DMD: variants seen among roughly 807,000 people sequenced by gnomAD.
The protein encoded by DMD is mutant dystrophin.
Under a neutral mutation model 330.1 loss-of-function variants are expected in DMD, and 63 were observed. The ratio of observed to expected loss-of-function variants is 0.19; its 90% CI spans 0.16 to 0.24. The LOEUF (loss-of-function observed/expected upper bound fraction) is 0.24. Among genes scored for constraint, DMD ranks in the 10% least tolerant of loss-of-function variants. The pLI is 1.00. For missense variants in DMD, 3,344 were observed against 2,684.1 expected, an observed-to-expected ratio of 1.25 and a Z score of -5.43; for synonymous variants, 1,223 against 959.8, an observed-to-expected ratio of 1.27 and a Z score of -5.07.
At chrX:31,901,767 C>T (rs1250212333) in intron 47 of DMD, among the ~76,000 whole-genome samples, 1 of 111,226 alleles carries the variant, frequency 9.0e-6, no homozygotes, top group Non-Finnish European at 1.9e-5. Context: ...TAAATGTAAA[C>T]ATTTTTATTT....
At chrX:31,517,146 T>C (rs2072293528) in intron 55 of DMD, among the ~76,000 whole-genome samples, 1 of 111,924 alleles carries the variant, frequency 8.9e-6, no homozygotes, top group Non-Finnish European at 1.9e-5. Context: ...ATCACAAAAA[T>C]GTGCATTAAG....
intron 44 of DMD, among the ~76,000 whole-genome samples, chrX:32,147,054 T>C (rs149505980): frequency 0.011 from 1,255 of 111,997 alleles, 18 homozygotes; most frequent in African/African-American, 0.038. Flanking sequence ...ATAAACTCTA[T>C]GATGTAAGTC....
intron 1 of DMD, among the ~76,000 whole-genome samples, chrX:33,130,870 G>A (rs886914027): frequency 7.2e-5 from 8 of 111,610 alleles, no homozygotes; most frequent in African/African-American, 2.6e-4. Flanking sequence ...TATTTAATGA[G>A]GCTTTTCACT....
rs2045274112 is a variant in DMD, at chrX:32,511,249, C to G, written c.2292+6759G>C. ...TGTGAAAGTCATTAATTTGGCCGGG[C>G]GCAGGGGCTCACGCCTGTAATCCCA... On this transcript the variant is annotated intron_variant, in intron 18 of 78. Transcript: ENST00000357033. Among the ~76,000 whole-genome samples the G allele has an allele frequency of 7.2e-5, 8 of 110,419 alleles. No individual in the cohort carries two copies. The Admixed American group carries it at 7.7e-4, about 11-fold the overall frequency.
intron 34 of DMD, 66 bp downstream of exon 34, chrX:32,380,444 C>T: frequency 2.0e-6 from 2 of 1,005,611 alleles, no homozygotes; most frequent in Non-Finnish European, 2.8e-6. Flanking sequence ...GTTAATACTT[C>T]CTTACAAAAT....
At chrX:31,124,102 T>G (rs1278367313) in intron 78 of DMD, among the ~76,000 whole-genome samples, 1 of 112,082 alleles carries the variant, frequency 8.9e-6, no homozygotes, top group Non-Finnish European at 1.9e-5. Flanking sequence ...TTCATTATTC[T>G]TAATGTGCCA....
chrX:32,650,698 T>C (rs1273737718), intron 9 of DMD, among the ~76,000 whole-genome samples: 1 of 112,052 alleles, frequency 8.9e-6, no homozygotes, highest in Non-Finnish European at 1.9e-5. Context: ...CACTATTAAA[T>C]AGGTAATTTT....
chrX:31,933,526 C>T (rs2094885743), intron 45 of DMD, among the ~76,000 whole-genome samples: 1 of 111,225 alleles, frequency 9.0e-6, no homozygotes, highest in African/African-American at 3.3e-5. Context: ...GTTTTGTTGT[C>T]TTTTGGGAAC....
At chrX:31,474,861 T>C (rs1391770803) in intron 59 of DMD, among the ~76,000 whole-genome samples, 3 of 111,020 alleles carry the variant, frequency 2.7e-5, no homozygotes, top group Non-Finnish European at 3.8e-5. Context: ...AGTACACTTC[T>C]ACTTTTTTTC....
chrX:32,489,541 C>T (rs940024527), intron 20 of DMD, among the ~76,000 whole-genome samples: 3 of 111,296 alleles, frequency 2.7e-5, no homozygotes, highest in Non-Finnish European at 5.7e-5. Context: ...TGAAGCTGAA[C>T]CCTACCAAAC....
chrX:33,206,309 A>C (rs2051568583), intron 1 of DMD, among the ~76,000 whole-genome samples: 1 of 111,990 alleles, frequency 8.9e-6, no homozygotes, highest in Non-Finnish European at 1.9e-5. Flanking sequence ...GTATGTAATC[A>C]AAATACTGAG....
intron 7 of DMD, among the ~76,000 whole-genome samples, chrX:32,746,274 C>T (rs1437313994): frequency 8.9e-6 from 1 of 112,160 alleles, no homozygotes; most frequent in East Asian, 2.8e-4. Context: ...ATACAAGAAT[C>T]ATAGACATAC....
chrX:33,148,508 G>A (rs1569556476), intron 1 of DMD, among the ~76,000 whole-genome samples: 1 of 111,481 alleles, frequency 9.0e-6, no homozygotes, highest in African/African-American at 3.3e-5. Context: ...AAGAAGGGAT[G>A]GCTTTTATCT....
chrX:31,966,524 G>A (rs1284430641), intron 45 of DMD, among the ~76,000 whole-genome samples: 1 of 110,031 alleles, frequency 9.1e-6, no homozygotes, highest in Non-Finnish European at 1.9e-5. Context: ...AAAACTCAAG[G>A]AAGCTGAACT....
chrX:32,596,269 C>G (rs142055152), intron 12 of DMD, among the ~76,000 whole-genome samples: 1,166 of 105,771 alleles, frequency 0.011, 19 homozygotes, highest in African/African-American at 0.039. Context: ...AACCGGTCCT[C>G]CTACTGTCCT....
At chrX:31,396,984 T>C (rs536237724) in intron 60 of DMD, among the ~76,000 whole-genome samples, 2 of 111,822 alleles carry the variant, frequency 1.8e-5, no homozygotes, top group Middle Eastern at 4.6e-3. Flanking sequence ...ATGAGAAAAG[T>C]CTTCCTAAGA....
intron 61 of DMD, among the ~76,000 whole-genome samples, chrX:31,326,110 C>A (rs761377280): frequency 9.1e-6 from 1 of 110,494 alleles, no homozygotes; most frequent in East Asian, 2.9e-4. Flanking sequence ...GGCTGCCTGG[C>A]CTGGCTTAGG....
At chrX:32,708,995 T>C (rs1406689378) in intron 7 of DMD, among the ~76,000 whole-genome samples, 10 of 112,124 alleles carry the variant, frequency 8.9e-5, no homozygotes, top group Admixed American at 5.7e-4. Flanking sequence ...CATTTGTGTA[T>C]TTTCTAAGCA....
At chrX:31,717,749 GAA>G (rs1384934713) in intron 52 of DMD, among the ~76,000 whole-genome samples, 1 of 112,494 alleles carries the variant, frequency 8.9e-6, no homozygotes, top group Non-Finnish European at 1.9e-5. Context: ...TAATTACAGA[GAA>G]AGGTGTTTTC....
Sources: gnomAD v4.1 joint callset for allele counts (sites outside exome capture counted in the v4.1 genomes callset) on GRCh38, gnomAD v4.1.1 for gene constraint, MANE v1.5 for transcripts, NCBI Gene and HGNC (gene_info 2026-07-23, HGNC 2026-07-21) for gene names.